SNAI3: variants seen among roughly 807,000 people sequenced by gnomAD.
SNAI3 encodes the protein zinc finger protein SNAI3.
Under a neutral mutation model 16.4 loss-of-function variants are expected in SNAI3, and 21 were observed. That is an observed-to-expected ratio of 1.28 (90% CI 0.91 to 1.85). The LOEUF (loss-of-function observed/expected upper bound fraction) is 1.85. Among genes scored for constraint, SNAI3 ranks in the 40% most tolerant of loss-of-function variants. The pLI is 0.00. For synonymous variants in SNAI3, 202 were observed against 166.6 expected (o/e 1.21, Z -1.64); for missense variants, 457 against 372.8 (o/e 1.23, Z -1.86).
rs1226169550 is a variant in SNAI3 at position 88,681,536 on chromosome 16, C to T, written c.255G>A (p.Leu85=). The T allele has an allele frequency of 5.2e-6, 8 of 1,524,626 alleles. No homozygotes were observed. Among genetic ancestry groups the T allele is most frequent in the South Asian group, 5.2e-5 (4 of 77,432 alleles). 94.4% of individuals were successfully genotyped at this position (1,524,626 alleles called of 1,614,324 possible). Residue 85 remains leucine (L), a synonymous_variant, in exon 2 of 3, where the codon CTG becomes CTA. Coordinates refer to ENST00000332281, the MANE Select transcript of SNAI3 (RefSeq NM_178310.4). This position sits in a 1 kb window ranked among gnomAD's most constrained non-coding sequence, Gnocchi z 5.4. ...CGACCTCGCTGACTTCCAAGGCGTC[C>T]AGCCCAGAGGCCCCCAGAGCTTCCT... ...RIEEALGASG[L]DALEVSEVDP... is the part of the protein sequence containing the mutation.
intron 2 of SNAI3, chr16:88,678,832 A>G (rs890709194): frequency 2.0e-6 from 2 of 985,416 alleles, no homozygotes; most frequent in African/African-American, 1.7e-5. Context: ...CACAGGTGCT[A>G]GATCTCCTAG....
At chr16:88,680,230 G>GGGAA (rs1298943469) in intron 2 of SNAI3, among the ~76,000 whole-genome samples, 1 of 151,190 alleles carries the variant, frequency 6.6e-6, no homozygotes, top group East Asian at 1.9e-4. Flanking sequence ...GCCGGCTCTT[G>GGGAA]GGAAGGGCAG....
intron 1 of SNAI3, among the ~76,000 whole-genome samples, chr16:88,683,265 T>C (rs993726268): frequency 6.7e-5 from 10 of 148,206 alleles, no homozygotes; most frequent in Non-Finnish European, 1.2e-4. Flanking sequence ...GCTAATTTTT[T>C]TTTTCCCCCA....
rs992009742 is a variant in SNAI3 at position 88,685,369 on chromosome 16, A to C, written c.76+962T>G. On this transcript the variant is annotated intron_variant, in intron 1 of 2. Transcript: ENST00000332281. Reference sequence around the variant, plus strand: ...CCAGGTGGGATCCCCCCCATCCCCAACTCTGGGTTCTGAGCTGGGATAAAG... The same window carrying C: ...CCAGGTGGGATCCCCCCCATCCCCACCTCTGGGTTCTGAGCTGGGATAAAG... 3 of 152,032 alleles carry C rather than the reference A, an allele frequency of 2.0e-5. No homozygotes were observed. In the East Asian group the frequency reaches 5.8e-4, roughly 29 times the overall value. The allele number at this position is 152,032 out of a possible 1,614,324, so 9.4% of individuals were successfully genotyped here.
At chr16:88,683,401 A>G (rs1203677507) in intron 1 of SNAI3, among the ~76,000 whole-genome samples, 3 of 147,926 alleles carry the variant, frequency 2.0e-5, no homozygotes, top group African/African-American at 7.5e-5. Context: ...GATTACAGGC[A>G]TGCGCCACCA....
Position 88,678,477 on chromosome 16 carries a change from C to A in SNAI3, c.850G>T (p.Glu284Ter), listed in dbSNP as rs1353848779. The A allele has an allele frequency of 1.3e-6, 1 of 777,410 alleles. No homozygotes were observed. Among genetic ancestry groups the A allele is most frequent in the Non-Finnish European group, 2.4e-6 (1 of 420,396 alleles). 48.2% of individuals were successfully genotyped at this position (777,410 alleles called of 1,614,324 possible). Residue 284 changes from glutamate to a stop codon, truncating the protein, a stop_gained, in exon 3 of 3, where the codon GAG becomes TAG. Coordinates refer to ENST00000332281, the MANE Select transcript of SNAI3 (RefSeq NM_178310.4). LOFTEE classifies it high-confidence loss of function. ...FSRMSLLARH[E>*]ESGCCPGP is the part of the protein sequence containing the mutation. Reference sequence around the variant, plus strand: ...GGGCCCGGGCAGCAGCCAGACTCCTCATGCCGCGCCAGGAGGGACATGCGG... The same window carrying A: ...GGGCCCGGGCAGCAGCCAGACTCCTAATGCCGCGCCAGGAGGGACATGCGG...
At chr16:88,682,199 T>A (rs1909197270) in intron 1 of SNAI3, among the ~76,000 whole-genome samples, 1 of 152,160 alleles carries the variant, frequency 6.6e-6, no homozygotes, top group Admixed American at 6.6e-5. Context: ...AGCCCACTCA[T>A]AACTAATCAC....
At chr16:88,684,252 C>G (rs1279841103) in intron 1 of SNAI3, among the ~76,000 whole-genome samples, 5 of 152,178 alleles carry the variant, frequency 3.3e-5, no homozygotes, top group African/African-American at 1.2e-4. Flanking sequence ...GAAAAAGTCA[C>G]CATTTCTTTT....
chr16:88,681,701 G>A lies in SNAI3; in HGVS notation c.90C>T (p.Ala30=), dbSNP rs759993580. The part of the protein sequence containing the change: ...RLETQREING[A]CSACGGLVVP... The stretch of plus-strand genomic sequence containing the variant: ...CCACCAGCCCCCCACAGGCAGAGCA[G>A]GCACCATTGATTTCTAGAGGGGTGG... Residue 30 remains alanine (A), a synonymous_variant, in exon 2 of 3, where the codon GCC becomes GCT. Coordinates refer to ENST00000332281, the MANE Select transcript of SNAI3 (RefSeq NM_178310.4). The surrounding 1 kb of genome is among the most constrained non-coding windows in gnomAD (Gnocchi z 5.4). 2.1e-6 allele frequency: 3 copies of A among 1,463,366 alleles called. No individual in the cohort carries two copies. The highest frequency in any genetic ancestry group is 2.5e-5 in the Admixed American group (1 of 40,442). 90.6% of individuals were successfully genotyped at this position (1,463,366 alleles called of 1,614,324 possible). A position where few individuals can be genotyped will look rare whatever the true frequency, so the allele number is the denominator to read the frequency against.
At chr16:88,683,131 G>A (rs1320171501) in intron 1 of SNAI3, among the ~76,000 whole-genome samples, 1 of 144,826 alleles carries the variant, frequency 6.9e-6, no homozygotes, top group South Asian at 2.2e-4. Flanking sequence ...TGTCTCCCAG[G>A]CTGGAGTGCA....
In SNAI3 at chr16:88,678,382, G is replaced by A. The variant is rs1330031636; in HGVS notation, c.*66C>T. ...CCTCCCAGACTCCTGGCTCCTCTGG[G>A]GGCAGGAGGGACGCCAGCTCTCCCG... is the stretch of plus-strand genomic sequence containing the variant. On this transcript the variant is annotated 3_prime_UTR_variant, in exon 3 of 3. Transcript: ENST00000332281. The A allele has an allele frequency of 3.0e-6, 2 of 668,512 alleles. No homozygotes were observed. The highest frequency in any genetic ancestry group is 2.7e-6 in the Non-Finnish European group (1 of 366,092). 41.4% of individuals were successfully genotyped at this position (668,512 alleles called of 1,614,324 possible).
At position 88,678,582 on chromosome 16, in the gene SNAI3, G is replaced by T. The variant is rs747160473; in HGVS notation, c.745C>A (p.Arg249Ser). 3.7e-5 allele frequency: 35 copies of T among 956,654 alleles called. No homozygotes were observed. The South Asian group carries it at 4.3e-4, about 12-fold the overall frequency. The allele number at this position is 956,654 out of a possible 1,614,324, so 59.3% of individuals were successfully genotyped here. A position where few individuals can be genotyped will look rare whatever the true frequency, so the allele number is the denominator to read the frequency against. Residue 249 changes from arginine to serine, a missense_variant, in exon 3 of 3, where the codon CGC (arginine) becomes AGC (serine). Transcript: ENST00000332281. ...CSHCSRAFAD[R>S]SNLRAHLQTH... The stretch of plus-strand genomic sequence containing the variant: ...TGCAGATGGGCCCGAAGGTTGGAGC[G>T]GTCGGCAAAGGCCCTGCTGCAGTGC...
intron 2 of SNAI3, chr16:88,678,876 C>T: frequency 1.0e-6 from 1 of 985,448 alleles, no homozygotes; most frequent in South Asian, 4.7e-5. Flanking sequence ...GGCCCTTGGC[C>T]ACTGGGAGAG....
At position 88,681,183 on chromosome 16, in the gene SNAI3, C is replaced by A. The variant is rs1398855399; in HGVS notation, c.608G>T (p.Arg203Leu). ...GCAGGTGCAGGGCAGCGTGTGAGTGCGGATGTGCATCTTGAGGGCACCCAG... is the reference window on the plus strand; with the variant it reads ...GCAGGTGCAGGGCAGCGTGTGAGTGAGGATGTGCATCTTGAGGGCACCCAG... The part of the protein sequence containing the change: ...TSLGALKMHI[R>L]THTLPCTCKI... Residue 203 changes from arginine (R) to leucine (L), a missense_variant, in exon 2 of 3, where the codon CGC becomes CTC. By Grantham distance (102) the Arg-to-Leu change is moderately radical. Transcript: ENST00000332281. The surrounding 1 kb of genome is among the most constrained non-coding windows in gnomAD (Gnocchi z 5.4). The A allele has an allele frequency of 6.2e-7, 1 of 1,613,780 alleles. No homozygotes were observed. Among genetic ancestry groups the A allele is most frequent in the Non-Finnish European group, 8.5e-7 (1 of 1,179,960 alleles).
Position 88,681,647 on chromosome 16 carries a change from G to A in SNAI3, c.144C>T (p.Ala48=). 1 of 1,472,084 alleles carries A rather than the reference G, an allele frequency of 6.8e-7. No homozygotes were observed. The highest frequency in any genetic ancestry group is 9.0e-7 in the Non-Finnish European group (1 of 1,108,304). 91.2% of individuals were successfully genotyped at this position (1,472,084 alleles called of 1,614,324 possible). The part of the protein sequence containing the change: ...VVPLLPRDKE[A]PSVPGDLPQP... ...GGGGAAGGTCACCGGGCACAGAAGGGGCCTCCTTGTCTCGGGGGAGGAGGG... is the reference window on the plus strand; with the variant it reads ...GGGGAAGGTCACCGGGCACAGAAGGAGCCTCCTTGTCTCGGGGGAGGAGGG... Residue 48 remains alanine (A), a synonymous_variant, in exon 2 of 3, where the codon GCC becomes GCT. Coordinates refer to ENST00000332281, the MANE Select transcript of SNAI3 (RefSeq NM_178310.4). This position sits in a 1 kb window ranked among gnomAD's most constrained non-coding sequence, Gnocchi z 5.4.
Position 88,681,656 on chromosome 16 carries a change from G to A in SNAI3, c.135C>T (p.Asp45=). The A allele has an allele frequency of 6.8e-7, 1 of 1,467,392 alleles. No homozygotes were observed. The highest frequency in any genetic ancestry group is 1.5e-5 in the South Asian group (1 of 65,778). The allele number at this position is 1,467,392 out of a possible 1,614,324, so 90.9% of individuals were successfully genotyped here. ...GGLVVPLLPR[D]KEAPSVPGDL... ...CACCGGGCACAGAAGGGGCCTCCTT[G>A]TCTCGGGGGAGGAGGGGCACCACCA... The change falls in exon 2 of 3, where the codon GAC becomes GAT. Residue 45 remains aspartate, a synonymous_variant. Coordinates refer to ENST00000332281, the MANE Select transcript of SNAI3 (RefSeq NM_178310.4). The surrounding 1 kb of genome is among the most constrained non-coding windows in gnomAD (Gnocchi z 5.4).
In SNAI3 at chr16:88,681,601, C is replaced by T; in HGVS notation, c.190G>A (p.Ala64Thr). The change falls in exon 2 of 3, where the codon GCC becomes ACC. Residue 64 changes from alanine to threonine, a missense_variant. Ala to Thr is a moderately conservative substitution (Grantham distance 58, BLOSUM62 0). Coordinates refer to ENST00000332281, the MANE Select transcript of SNAI3 (RefSeq NM_178310.4). This position sits in a 1 kb window ranked among gnomAD's most constrained non-coding sequence, Gnocchi z 5.4. ...DLPQPWDRSS[A>T]VACISLPLLP... Reference sequence around the variant, plus strand: ...AGGGGCAGGGAGATGCAGGCGACGGCCGAGGAGCGGTCCCAGGGCTGGGGA... The same window carrying T: ...AGGGGCAGGGAGATGCAGGCGACGGTCGAGGAGCGGTCCCAGGGCTGGGGA... The T allele has an allele frequency of 6.7e-7, 1 of 1,499,438 alleles. No homozygotes were observed. The highest frequency in any genetic ancestry group is 8.9e-7 in the Non-Finnish European group (1 of 1,122,558). 92.9% of individuals were successfully genotyped at this position (1,499,438 alleles called of 1,614,324 possible).
chr16:88,683,540 C>T (rs1909253883), intron 1 of SNAI3, among the ~76,000 whole-genome samples: 1 of 150,180 alleles, frequency 6.7e-6, no homozygotes, highest in Non-Finnish European at 1.5e-5. Context: ...AGGCATAAGC[C>T]ACTGCGCCTG....
At chr16:88,682,550 T>A (rs933137816) in intron 1 of SNAI3, among the ~76,000 whole-genome samples, 3 of 152,198 alleles carry the variant, frequency 2.0e-5, no homozygotes, top group Non-Finnish European at 4.4e-5. Context: ...TCAATCCCTT[T>A]CTTACTCTAT....
Sources: gnomAD v4.1 joint callset for allele counts (sites outside exome capture counted in the v4.1 genomes callset) on GRCh38, gnomAD v4.1.1 for gene constraint, Gnocchi (gnomAD v3.1) non-coding constraint, MANE v1.5 for transcripts, NCBI Gene and HGNC (gene_info 2026-07-23, HGNC 2026-07-21) for gene names.